The following ZNF711 variants were observed in gnomAD, a reference collection of about 807,000 sequenced individuals.
The protein encoded by ZNF711 is zinc finger protein 711.
In ZNF711, 3 loss-of-function variants were observed where a neutral mutation model predicts 43.5. The ratio of observed to expected loss-of-function variants is 0.07; its 90% CI spans 0.03 to 0.18. The LOEUF is 0.18. ZNF711 is among the 10% of genes least tolerant of loss of function. The pLI, the probability that ZNF711 is intolerant of heterozygous loss-of-function variation, is 1.00. For synonymous variants in ZNF711, 209 were observed against 207.7 expected (o/e 1.01, Z -0.06); for missense variants, 412 against 604.0 (o/e 0.68, Z 3.33).
At chrX:85,270,499 A>G (rs1338881940) in intron 10 of ZNF711, 152 bp from the exon 11 acceptor site, 6 of 546,233 alleles carry the variant, frequency 1.1e-5, no homozygotes, top group Non-Finnish European at 1.8e-5. Flanking sequence ...TTTGCCATAA[A>G]TTGCTTTTAT....
In ZNF711 at chrX:85,244,168, C is replaced by T; in HGVS notation, c.-429C>T. 1 of 151,139 alleles carries T rather than the reference C, an allele frequency of 6.6e-6. No individual in the cohort carries two copies. The allele number at this position is 151,139 out of a possible 1,213,427, so 12.5% of individuals were successfully genotyped here. On this transcript the variant is annotated 5_prime_UTR_variant, in exon 1 of 11. Transcript: ENST00000674551. The stretch of plus-strand genomic sequence containing the variant: ...GCGGCAGCGGCGGCGGCAGCGGCGG[C>T]GGCAGCTGTAGCTGCAGCAGCAGGT...
At chrX:85,263,687 T>C (rs527314298) in intron 5 of ZNF711, among the ~76,000 whole-genome samples, 2 of 110,509 alleles carry the variant, frequency 1.8e-5, no homozygotes, top group Non-Finnish European at 3.8e-5. Flanking sequence ...GTTCTTAATT[T>C]TTCTGTTATT....
chrX:85,255,399 C>A lies in ZNF711; in HGVS notation c.220C>A (p.Pro74Thr), dbSNP rs1188326683. ...CCTTGCAGCTGAAGTTGTCCATGGA[C>A]CTGATATCATCACAGAGACTGATGT... ...HGLAAEVVHG[P>T]DIITETDVVT... is the part of the protein sequence containing the mutation. The change falls in exon 5 of 11, where the codon CCT becomes ACT. Residue 74 changes from proline (P) to threonine (T), a missense_variant. This residue lies in a region of ZNF711 where 375 missense variants were observed against 514.2 expected (regional missense o/e 0.73). Coordinates refer to ENST00000674551, the MANE Select transcript of ZNF711 (RefSeq NM_001330574.2). 8.3e-7 allele frequency: 1 copy of A among 1,209,484 alleles called. No individual in the cohort carries two copies. Among genetic ancestry groups the A allele is most frequent in the Non-Finnish European group, 1.1e-6 (1 of 895,229 alleles).
At chrX:85,246,126 G>A (rs1279147033) in intron 2 of ZNF711, 104 bp downstream of exon 2, 1 of 111,658 alleles carries the variant, frequency 9.0e-6, no homozygotes, top group Non-Finnish European at 1.9e-5. Flanking sequence ...TAGTTATGTG[G>A]TAAAGAAAGT....
rs1357481337 is a variant in ZNF711 at position 85,244,181 on chromosome X, T to C, written c.-416T>C. ...CGGCAGCGGCGGCGGCAGCTGTAGC[T>C]GCAGCAGCAGGTAAGGAGACTCCTG... On this transcript the variant is annotated 5_prime_UTR_variant, in exon 1 of 11. Transcript: ENST00000674551. 2 of 146,940 alleles carry C rather than the reference T, an allele frequency of 1.4e-5. No individual in the cohort carries two copies. The highest frequency in any genetic ancestry group is 2.5e-5 in the Non-Finnish European group (2 of 79,164). 12.1% of individuals were successfully genotyped at this position (146,940 alleles called of 1,213,427 possible).
chrX:85,249,566 G>A (rs1002689089), intron 4 of ZNF711, among the ~76,000 whole-genome samples: 1 of 110,750 alleles, frequency 9.0e-6, no homozygotes, highest in Non-Finnish European at 1.9e-5. Flanking sequence ...CCTTTCCATT[G>A]TTTATCCTCA....
intron 4 of ZNF711, among the ~76,000 whole-genome samples, chrX:85,250,061 T>C (rs1929415084): frequency 8.9e-6 from 1 of 112,678 alleles, no homozygotes; most frequent in Non-Finnish European, 1.9e-5. Context: ...TGATATTCCA[T>C]TGTATGAGTA....
At position 85,247,143 on chromosome X, in the gene ZNF711, A is replaced by C; in HGVS notation, c.-72A>C. 3.4e-6 allele frequency: 1 copy of C among 296,544 alleles called. No homozygotes were observed. The highest frequency in any genetic ancestry group is 5.9e-6 in the Non-Finnish European group (1 of 169,960). 24.4% of individuals were successfully genotyped at this position (296,544 alleles called of 1,213,427 possible). A position where few individuals can be genotyped will look rare whatever the true frequency, so the allele number is the denominator to read the frequency against. On this transcript the variant is annotated 5_prime_UTR_variant, in exon 3 of 11. Transcript: ENST00000674551. Reference sequence around the variant, plus strand: ...GGTCTGGAAGAAATGGATGAGAGCCAGTGGATGAAATTCACTAATACTAGA... The same window carrying C: ...GGTCTGGAAGAAATGGATGAGAGCCCGTGGATGAAATTCACTAATACTAGA...
At chrX:85,253,997 GTAT>G (rs899241845) in intron 4 of ZNF711, among the ~76,000 whole-genome samples, 14 of 111,312 alleles carry the variant, frequency 1.3e-4, no homozygotes, top group African/African-American at 4.6e-4. Context: ...TTGCTGGGTA[GTAT>G]TCCATAGTAG....
chrX:85,256,072 C>G (rs180923060), intron 5 of ZNF711, among the ~76,000 whole-genome samples: 1 of 111,001 alleles, frequency 9.0e-6, no homozygotes, highest in Non-Finnish European at 1.9e-5. Context: ...AGAACATTAA[C>G]TGATACAAAA....
At chrX:85,248,174 A>T (rs547164091) in intron 4 of ZNF711, among the ~76,000 whole-genome samples, 3,157 of 73,919 alleles carry the variant, frequency 0.043, 58 homozygotes, top group Non-Finnish European at 0.064. Flanking sequence ...TTTTTTTTTT[A>T]AAAAAAAAAA....
At chrX:85,253,557 C>T (rs1386776063) in intron 4 of ZNF711, among the ~76,000 whole-genome samples, 3 of 111,139 alleles carry the variant, frequency 2.7e-5, no homozygotes, top group Non-Finnish European at 3.8e-5. Context: ...AATACAAAAA[C>T]CAGGAAATTG....
intron 7 of ZNF711, among the ~76,000 whole-genome samples, chrX:85,266,639 A>G: frequency 1.8e-5 from 2 of 109,889 alleles, no homozygotes; most frequent in Non-Finnish European, 3.8e-5. Context: ...TATAAAGTAT[A>G]TTGTGGCTCT....
chrX:85,270,071 G>A lies in ZNF711; in HGVS notation c.1171G>A (p.Gly391Ser), dbSNP rs376354687. The A allele has an allele frequency of 4.1e-6, 5 of 1,207,522 alleles. No homozygotes were observed. In the South Asian group the frequency reaches 7.0e-5, roughly 17 times the overall value. The change falls in exon 10 of 11, where the codon GGC (glycine) becomes AGC (serine). Residue 391 changes from glycine (G) to serine (S), a missense_variant. Gly to Ser is a moderately conservative substitution (Grantham distance 56). Transcript: ENST00000674551. Reference protein sequence around the residue: ...TAAQYLQICDGINTNKVLKQK... With the variant: ...TAAQYLQICDSINTNKVLKQK... The stretch of plus-strand genomic sequence containing the variant: ...AGCACAGTACCTTCAAATTTGTGAC[G>A]GCATTAATACAAATAAAGTACTTAA...
At chrX:85,249,188 C>T (rs900130936) in intron 4 of ZNF711, among the ~76,000 whole-genome samples, 1 of 111,279 alleles carries the variant, frequency 9.0e-6, no homozygotes, top group Non-Finnish European at 1.9e-5. Context: ...TCAATAAATT[C>T]TAGAGGAAGG....
Position 85,255,301 on chromosome X carries a change from T to G in ZNF711, c.122T>G (p.Ile41Ser). 8.3e-7 allele frequency: 1 copy of G among 1,211,441 alleles called. No homozygotes were observed. Among genetic ancestry groups the G allele is most frequent in the Non-Finnish European group, 1.1e-6 (1 of 895,243 alleles). Residue 41 changes from isoleucine (I) to serine (S), a missense_variant, in exon 5 of 11, where the codon ATT becomes AGT. Ile to Ser is a moderately radical substitution (Grantham distance 142, BLOSUM62 -2). Transcript: ENST00000674551. ...ACTGCACATATCGATGGAGACCATA[T>G]TGTTGTTTCAGTTCCTGAAGCTGTT... ...AGTAHIDGDHIVVSVPEAVLV... is the reference protein window; with the variant it reads ...AGTAHIDGDHSVVSVPEAVLV...
At chrX:85,252,405 C>G (rs953388480) in intron 4 of ZNF711, among the ~76,000 whole-genome samples, 1 of 111,585 alleles carries the variant, frequency 9.0e-6, no homozygotes, top group Admixed American at 9.5e-5. Context: ...TTATTCTACC[C>G]TTCTTTCCTT....
At chrX:85,247,464 T>A (rs1475723756) in intron 3 of ZNF711, 83 bp from the exon 4 acceptor site, 1 of 607,808 alleles carries the variant, frequency 1.6e-6, no homozygotes, top group Non-Finnish European at 2.6e-6. Context: ...TTGAAAGGCA[T>A]ATTGTCAATT....
At chrX:85,267,675 TA>T (rs1183947686) in intron 8 of ZNF711, among the ~76,000 whole-genome samples, 1 of 111,750 alleles carries the variant, frequency 8.9e-6, no homozygotes. Context: ...GTGAGTGCCA[TA>T]AAAAATTTTA....
Sources: allele counts gnomAD v4.1 joint callset (sites outside exome capture counted in the v4.1 genomes callset), GRCh38; gene constraint gnomAD v4.1.1; regional missense constraint gnomAD v4.1.1; transcripts MANE v1.5; gene names NCBI Gene and HGNC (gene_info 2026-07-23, HGNC 2026-07-21).